Variants in FMN2 observed in about 807,000 individuals in gnomAD.
FMN2 encodes the protein formin-2.
In FMN2, 51 loss-of-function variants were observed where a neutral mutation model predicts 142.3. The observed-to-expected ratio is 0.36, with a 90% CI of 0.29 to 0.45. The LOEUF (loss-of-function observed/expected upper bound fraction) is 0.45, where lower values mean the gene tolerates loss of function less well. Among genes scored for constraint, FMN2 ranks in the 20% least tolerant of loss-of-function variants. The pLI, the probability that FMN2 is intolerant of heterozygous loss-of-function variation, is 1.00. For missense variants in FMN2, 1,936 were observed against 2,122.8 expected (o/e 0.91, Z 1.73); for synonymous variants, 882 against 869.8 (o/e 1.01, Z -0.25).
chr1:240,388,879 G>GGT (rs1553372879), intron 14 of FMN2, among the ~76,000 whole-genome samples: 4 of 144,852 alleles, frequency 2.8e-5, no homozygotes, highest in African/African-American at 8.5e-5. Flanking sequence ...AAAAAAAAAG[G>GGT]GGGGGGGTCA....
In FMN2 at chr1:240,153,385, G is replaced by GTTT. The variant is rs58725251; in HGVS notation, c.1783-24519_1783-24517dup. On this transcript the variant is annotated intron_variant, in intron 2 of 17. Transcript: ENST00000319653. Reference sequence around the variant, plus strand: ...ACCCATTGAGCTGGTTGTATTTACAGTTTTTTTTTTTTTTTTTTTGACAGG... The same window carrying GTTT: ...ACCCATTGAGCTGGTTGTATTTACAGTTTTTTTTTTTTTTTTTTTTTTGACAGG... Among the ~76,000 whole-genome samples, 965 of 124,278 alleles carry GTTT rather than the reference G, an allele frequency of 7.8e-3. 28 individuals are homozygous for GTTT. Among genetic ancestry groups the GTTT allele is most frequent in the South Asian group, 0.013 (50 of 3,738 alleles). The allele number at this position is 124,278 out of a possible 152,430, so 81.5% of individuals were successfully genotyped here.
chr1:240,438,260 G>A lies in FMN2; in HGVS notation c.5060+50G>A, dbSNP rs202236420. ...GCATTTTAAAACTGGTGTTTTATTA[G>A]GTGTGGCACCACTGGGTTGCCAATT... On this transcript the variant is annotated intron_variant, in intron 16 of 17. Coordinates refer to ENST00000319653, the MANE Select transcript of FMN2 (RefSeq NM_020066.5). The A allele has an allele frequency of 1.3e-5, 21 of 1,570,936 alleles. No homozygotes were observed. In the Admixed American group the frequency reaches 2.0e-4, roughly 15 times the overall value.
intron 15 of FMN2, among the ~76,000 whole-genome samples, chr1:240,403,031 A>C (rs1674040900): frequency 1.3e-5 from 2 of 152,240 alleles, no homozygotes; most frequent in South Asian, 4.1e-4. Flanking sequence ...CACTAATTTA[A>C]TTCTGGCATC....
intron 2 of FMN2, among the ~76,000 whole-genome samples, chr1:240,157,811 A>T (rs2103285223): frequency 6.6e-6 from 1 of 152,150 alleles, no homozygotes; most frequent in Middle Eastern, 3.4e-3. Flanking sequence ...TTTTAAAAAA[A>T]TGACTAAAAC....
intron 4 of FMN2, among the ~76,000 whole-genome samples, chr1:240,203,373 A>G (rs1315583631): frequency 6.6e-6 from 1 of 152,210 alleles, no homozygotes; most frequent in African/African-American, 2.4e-5. Context: ...TGTTCATTGC[A>G]GCACTAGTCA....
intron 13 of FMN2, among the ~76,000 whole-genome samples, chr1:240,354,967 C>T (rs1053379509): frequency 6.6e-6 from 1 of 151,522 alleles, no homozygotes; most frequent in African/African-American, 2.4e-5. Flanking sequence ...CTTGCTATTA[C>T]CAAAATGGCA....
chr1:240,444,088 C>T (rs1323534180), intron 16 of FMN2, among the ~76,000 whole-genome samples: 2 of 152,178 alleles, frequency 1.3e-5, no homozygotes, highest in Non-Finnish European at 2.9e-5. Flanking sequence ...AACAACATCA[C>T]TTCTCTGTTG....
intron 7 of FMN2, among the ~76,000 whole-genome samples, chr1:240,282,737 C>A (rs901130023): frequency 6.6e-6 from 1 of 152,182 alleles, no homozygotes; most frequent in Non-Finnish European, 1.5e-5. Context: ...TATTTCCTTT[C>A]ATCTTATCAT....
intron 13 of FMN2, among the ~76,000 whole-genome samples, chr1:240,338,803 T>C (rs1346509235): frequency 6.6e-6 from 1 of 152,224 alleles, no homozygotes; most frequent in African/African-American, 2.4e-5. Context: ...GCTTTACTTC[T>C]ATTATAATTA....
intron 6 of FMN2, among the ~76,000 whole-genome samples, chr1:240,247,759 T>G (rs1232367493): frequency 6.6e-6 from 1 of 152,210 alleles, no homozygotes; most frequent in Admixed American, 6.5e-5. Flanking sequence ...TACTCTCATG[T>G]TCTGATTAGT....
intron 14 of FMN2, among the ~76,000 whole-genome samples, chr1:240,389,656 T>A (rs769018489): frequency 1.3e-5 from 2 of 152,128 alleles, no homozygotes; most frequent in Non-Finnish European, 2.9e-5. Flanking sequence ...ATAAGTATGT[T>A]TAAAAGAATT....
At chr1:240,432,564 C>A (rs1675212633) in intron 15 of FMN2, among the ~76,000 whole-genome samples, 2 of 151,698 alleles carry the variant, frequency 1.3e-5, no homozygotes, top group Admixed American at 1.3e-4. Context: ...TTTACAGTTT[C>A]TTGAGTTTGA....
intron 1 of FMN2, among the ~76,000 whole-genome samples, chr1:240,095,157 G>A (rs1661153668): frequency 6.6e-6 from 1 of 152,056 alleles, no homozygotes; most frequent in African/African-American, 2.4e-5. Flanking sequence ...GAAAGTTTTT[G>A]CATTAATTTT....
intron 7 of FMN2, among the ~76,000 whole-genome samples, chr1:240,280,410 T>A (rs893612639): frequency 2.6e-5 from 4 of 152,190 alleles, no homozygotes; most frequent in African/African-American, 9.6e-5. Context: ...TAAGACATTT[T>A]AGATTTCTGA....
At chr1:240,272,563 C>A (rs1234495107) in intron 7 of FMN2, among the ~76,000 whole-genome samples, 1 of 152,136 alleles carries the variant, frequency 6.6e-6, no homozygotes, top group Admixed American at 6.5e-5. Context: ...CCCTGGCCAC[C>A]TTTATCCAGT....
chr1:240,200,755 A>G (rs1666092150), intron 4 of FMN2, among the ~76,000 whole-genome samples: 1 of 152,008 alleles, frequency 6.6e-6, no homozygotes, highest in Non-Finnish European at 1.5e-5. Context: ...TTCTCTCTAC[A>G]GTGGGAATAA....
At chr1:240,306,655 G>A (rs1384858552) in intron 8 of FMN2, among the ~76,000 whole-genome samples, 1 of 152,196 alleles carries the variant, frequency 6.6e-6, no homozygotes, top group Non-Finnish European at 1.5e-5. Context: ...ACTGTTGATG[G>A]ACATCTAGGT....
chr1:240,143,428 A>G, intron 2 of FMN2: 3 of 1,436,376 alleles, frequency 2.1e-6, no homozygotes, highest in Non-Finnish European at 2.9e-6. Context: ...CAGAACAGCC[A>G]CTCCCTGATG....
chr1:240,274,862 G>A (rs771024439), intron 7 of FMN2, among the ~76,000 whole-genome samples: 6 of 152,106 alleles, frequency 3.9e-5, no homozygotes, highest in Non-Finnish European at 8.8e-5. Flanking sequence ...GGTTGTCATT[G>A]CATTTACTGA....
Sources: allele counts gnomAD v4.1 joint callset (sites outside exome capture counted in the v4.1 genomes callset), GRCh38; gene constraint gnomAD v4.1.1; transcripts MANE v1.5; gene names NCBI Gene and HGNC (gene_info 2026-07-23, HGNC 2026-07-21).